Variants in PDE3A observed in about 807,000 individuals in gnomAD.
PDE3A encodes the protein cGMP-inhibited 3',5'-cyclic phosphodiesterase 3A.
In PDE3A, 43 loss-of-function variants were observed where a neutral mutation model predicts 98.3. That is an observed-to-expected ratio of 0.44 (90% CI 0.34 to 0.56). The LOEUF (loss-of-function observed/expected upper bound fraction) is 0.56, where lower values mean the gene tolerates loss of function less well. Among genes scored for constraint, PDE3A ranks in the 20% least tolerant of loss-of-function variants. PDE3A has a pLI of 0.01. For synonymous variants in PDE3A, 663 were observed against 567.9 expected, an observed-to-expected ratio of 1.17 and a Z score of -2.38; for missense variants, 1,427 against 1,440.7, an observed-to-expected ratio of 0.99 and a Z score of 0.15.
chr12:20,578,484 C>G (rs904669334), intron 2 of PDE3A, among the ~76,000 whole-genome samples: 2 of 145,496 alleles, frequency 1.4e-5, no homozygotes, highest in Non-Finnish European at 3.0e-5. Flanking sequence ...TACACACACA[C>G]ACACACACAC....
At position 20,494,711 on chromosome 12, in the gene PDE3A, C is replaced by A. The variant is rs1341885923; in HGVS notation, c.961-61949C>A. Among the ~76,000 whole-genome samples the A allele has an allele frequency of 3.3e-5, 5 of 152,112 alleles. 1 individual carries two copies. In the South Asian group the frequency reaches 8.3e-4, roughly 25 times the overall value. ...TATTTCCTGCTTTCCTACTTCTGGG[C>A]AGAATTGGAGTGGAAAGTAATACAT... On this transcript the variant is annotated intron_variant, in intron 1 of 15. Transcript: ENST00000359062.
At chr12:20,633,651 A>C in intron 6 of PDE3A, 42 bp from the exon 7 acceptor site, 1 of 1,195,174 alleles carries the variant, frequency 8.4e-7, no homozygotes, top group South Asian at 1.4e-5. Flanking sequence ...TGACTTTTTG[A>C]AAAGAGGAGG....
At chr12:20,443,867 G>A (rs1021096658) in intron 1 of PDE3A, among the ~76,000 whole-genome samples, 1 of 152,114 alleles carries the variant, frequency 6.6e-6, no homozygotes, top group Admixed American at 6.6e-5. Flanking sequence ...CCCTCTGAAT[G>A]TTTGTACTTC....
chr12:20,665,630 G>A (rs1945288922), intron 15 of PDE3A, among the ~76,000 whole-genome samples: 2 of 151,994 alleles, frequency 1.3e-5, no homozygotes, highest in Non-Finnish European at 2.9e-5. Context: ...CAGATTAATA[G>A]ACAGAAGCAA....
chr12:20,671,856 T>C (rs1375035288), intron 15 of PDE3A, among the ~76,000 whole-genome samples: 5 of 147,936 alleles, frequency 3.4e-5, no homozygotes, highest in South Asian at 2.2e-4. Flanking sequence ...CCAAGGCAAT[T>C]AGGCAGGAGA....
intron 15 of PDE3A, among the ~76,000 whole-genome samples, chr12:20,662,869 A>C (rs192961290): frequency 4.6e-5 from 7 of 152,308 alleles, no homozygotes; most frequent in Admixed American, 4.6e-4. Context: ...AATGTTAATC[A>C]CCAAGACAAT....
intron 7 of PDE3A, among the ~76,000 whole-genome samples, chr12:20,634,339 G>A (rs1175063765): frequency 6.6e-6 from 1 of 152,148 alleles, no homozygotes; most frequent in Non-Finnish European, 1.5e-5. Flanking sequence ...GACTCTGGGT[G>A]TTTACTGATT....
chr12:20,615,484 A>G (rs1943981876), intron 3 of PDE3A, among the ~76,000 whole-genome samples: 1 of 152,198 alleles, frequency 6.6e-6, no homozygotes, highest in Admixed American at 6.5e-5. Flanking sequence ...GAATGAAGAT[A>G]ATAAAGTCAA....
At chr12:20,634,860 C>A (rs368612987) in intron 7 of PDE3A, 42 bp from the exon 8 acceptor site, 139 of 1,505,496 alleles carry the variant, frequency 9.2e-5, no homozygotes, top group Admixed American at 2.4e-4. Flanking sequence ...CCCCCTTTCC[C>A]CATTGTAGAT....
At chr12:20,652,397 T>G (rs1414492802) in intron 14 of PDE3A, among the ~76,000 whole-genome samples, 1 of 152,118 alleles carries the variant, frequency 6.6e-6, no homozygotes, top group Non-Finnish European at 1.5e-5. Flanking sequence ...AGTGTAAAAG[T>G]GTTCCTATTT....
At chr12:20,675,801 G>A (rs760832345) in intron 15 of PDE3A, among the ~76,000 whole-genome samples, 12 of 152,242 alleles carry the variant, frequency 7.9e-5, no homozygotes, top group Non-Finnish European at 1.5e-4. Context: ...TTGTTTGCAT[G>A]AAGTATATTT....
chr12:20,630,500 T>G (rs2121509169), intron 6 of PDE3A, among the ~76,000 whole-genome samples: 1 of 152,316 alleles, frequency 6.6e-6, no homozygotes, highest in South Asian at 2.1e-4. Context: ...AGGGAATGGG[T>G]TACATTGATA....
chr12:20,567,590 C>T (rs1173981977), intron 2 of PDE3A, among the ~76,000 whole-genome samples: 1 of 151,918 alleles, frequency 6.6e-6, no homozygotes, highest in Non-Finnish European at 1.5e-5. Flanking sequence ...CATGTGTTCT[C>T]ATTCTCTAGG....
chr12:20,530,456 A>T (rs1175155894), intron 1 of PDE3A, among the ~76,000 whole-genome samples: 1 of 151,772 alleles, frequency 6.6e-6, no homozygotes, highest in Non-Finnish European at 1.5e-5. Context: ...ATTGACTATG[A>T]GTCTGTGAAT....
chr12:20,682,688 A>G lies in PDE3A; in HGVS notation c.*2417A>G, dbSNP rs1005348605. On this transcript the variant is annotated 3_prime_UTR_variant, in exon 16 of 16. Coordinates refer to ENST00000359062, the MANE Select transcript of PDE3A (RefSeq NM_000921.5). ...AAATTACTATAAGTCAAATTTTGCCAGTGAATTTAACTATTTTTCTTTCCT... is the reference window on the plus strand; with the variant it reads ...AAATTACTATAAGTCAAATTTTGCCGGTGAATTTAACTATTTTTCTTTCCT... The G allele has an allele frequency of 6.6e-6, 1 of 152,204 alleles. No individual in the cohort carries two copies. The highest frequency in any genetic ancestry group is 1.5e-5 in the Non-Finnish European group (1 of 68,034). 9.4% of individuals were successfully genotyped at this position (152,204 alleles called of 1,614,324 possible). A position where few individuals can be genotyped will look rare whatever the true frequency, so the allele number is the denominator to read the frequency against.
rs1555140903 is a variant in PDE3A, at chr12:20,386,049, T to TAAAATATATGTAAATATATGTA, written c.960+15808_960+15809insATATATGTAAATATATGTAAAA. On this transcript the variant is annotated intron_variant, in intron 1 of 15. Transcript: ENST00000359062. ...TATATAAATATATATAAAATATATA[T>TAAAATATATGTAAATATATGTA]AAATATATATAAATATATATAAAAT... Among the ~76,000 whole-genome samples, 110 of 49,272 alleles carry TAAAATATATGTAAATATATGTA rather than the reference T, an allele frequency of 2.2e-3. 6 individuals are homozygous for TAAAATATATGTAAATATATGTA. Among genetic ancestry groups the TAAAATATATGTAAATATATGTA allele is most frequent in the African/African-American group, 8.1e-3 (108 of 13,354 alleles). 32.3% of individuals were successfully genotyped at this position (49,272 alleles called of 152,430 possible). A position where few individuals can be genotyped will look rare whatever the true frequency, so the allele number is the denominator to read the frequency against.
chr12:20,551,694 G>A (rs1942205814), intron 1 of PDE3A: 1 of 1,612,492 alleles, frequency 6.2e-7, no homozygotes, highest in African/African-American at 1.3e-5. Context: ...TTCCCAGCGA[G>A]GACGAGTGGT....
At chr12:20,412,766 G>A (rs2120759) in intron 1 of PDE3A, among the ~76,000 whole-genome samples, 4,200 of 152,182 alleles carry the variant, frequency 0.028, 90 homozygotes, top group Admixed American at 0.06. Flanking sequence ...CAAGGTAGTC[G>A]TTGAGTGGGA....
chr12:20,533,733 C>G (rs780673865), intron 1 of PDE3A, among the ~76,000 whole-genome samples: 18 of 142,860 alleles, frequency 1.3e-4, no homozygotes, highest in Admixed American at 2.2e-4. Context: ...GCCCCGCCCC[C>G]CTTTGGACTC....
Sources: gnomAD v4.1 joint callset for allele counts (sites outside exome capture counted in the v4.1 genomes callset) on GRCh38, gnomAD v4.1.1 for gene constraint, MANE v1.5 for transcripts, NCBI Gene and HGNC (gene_info 2026-07-23, HGNC 2026-07-21) for gene names.